The following GPAT4 variants were observed in gnomAD, a reference collection of about 807,000 sequenced individuals.
The protein encoded by GPAT4 is 1-AGP acyltransferase 6.
GPAT4 carries 17 observed loss-of-function variants against 58.0 expected under a neutral mutation model. The observed-to-expected ratio is 0.29, with a 90% CI of 0.20 to 0.44. The LOEUF is 0.44. Ranked by LOEUF, GPAT4 falls within the 20% of genes least tolerant of loss-of-function variation. The pLI is 1.00. For missense variants in GPAT4, 377 were observed against 574.5 expected (o/e 0.66, Z 3.51); for synonymous variants, 204 against 210.1 (o/e 0.97, Z 0.25).
At chr8:41,597,220 C>T (rs1157108407) in intron 1 of GPAT4, among the ~76,000 whole-genome samples, 1 of 152,172 alleles carries the variant, frequency 6.6e-6, no homozygotes, top group Non-Finnish European at 1.5e-5. Context: ...GGGTGGTCTC[C>T]TCCCTTAAAA....
At chr8:41,586,271 G>A (rs934749167) in intron 1 of GPAT4, among the ~76,000 whole-genome samples, 5 of 152,150 alleles carry the variant, frequency 3.3e-5, no homozygotes, top group African/African-American at 9.7e-5. Flanking sequence ...ATGGCCAAAG[G>A]TTCCATTGTA....
intron 2 of GPAT4, among the ~76,000 whole-genome samples, chr8:41,601,209 A>G (rs1015984325): frequency 1.9e-4 from 29 of 152,114 alleles, no homozygotes; most frequent in African/African-American, 7.0e-4. Context: ...GAGCAGCTGC[A>G]TGAGCATCGC....
chr8:41,580,777 T>C (rs1802489414), intron 1 of GPAT4, among the ~76,000 whole-genome samples: 1 of 152,204 alleles, frequency 6.6e-6, no homozygotes, highest in Non-Finnish European at 1.5e-5. Flanking sequence ...TTGAGTGTCA[T>C]GGTAAATCAT....
At chr8:41,608,468 G>C (rs1803346336) in intron 2 of GPAT4, among the ~76,000 whole-genome samples, 1 of 152,238 alleles carries the variant, frequency 6.6e-6, no homozygotes, top group Admixed American at 6.5e-5. Flanking sequence ...TCCAAGGGGG[G>C]ATAAGTGCAC....
chr8:41,582,328 C>G (rs1416996169), intron 1 of GPAT4, among the ~76,000 whole-genome samples: 1 of 151,934 alleles, frequency 6.6e-6, no homozygotes, highest in African/African-American at 2.4e-5. Context: ...TATTCAGGGA[C>G]ACATAGACTA....
rs1228661101 is a variant in GPAT4 at position 41,618,763 on chromosome 8, G to A, written c.1133G>A (p.Ser378Asn). The A allele has an allele frequency of 1.2e-6, 2 of 1,614,270 alleles. No homozygotes were observed. Among genetic ancestry groups the A allele is most frequent in the Admixed American group, 3.3e-5 (2 of 60,028 alleles). ...ACGTACCTGCTGCGAATGATGACCA[G>A]CTGGGCCATTGTCTGCAGCGTGTGG... ...MVTYLLRMMT[S>N]WAIVCSVWYL... The change falls in exon 11 of 13, where the codon AGC (serine) becomes AAC (asparagine). Residue 378 changes from serine (S) to asparagine (N), a missense_variant. Coordinates refer to ENST00000396987, the MANE Select transcript of GPAT4 (RefSeq NM_178819.4).
chr8:41,583,128 A>G (rs1170507541), intron 1 of GPAT4, among the ~76,000 whole-genome samples: 1 of 152,068 alleles, frequency 6.6e-6, no homozygotes, highest in African/African-American at 2.4e-5. Flanking sequence ...AGGGAGGCTG[A>G]GGCACGAGAA....
intron 10 of GPAT4, among the ~76,000 whole-genome samples, chr8:41,616,156 T>A (rs1165476362): frequency 6.6e-6 from 1 of 152,232 alleles, no homozygotes; most frequent in Non-Finnish European, 1.5e-5. Context: ...ACAGGTGCTT[T>A]GCAGTGTGAC....
At chr8:41,596,062 A>G (rs1802923474) in intron 1 of GPAT4, among the ~76,000 whole-genome samples, 1 of 152,162 alleles carries the variant, frequency 6.6e-6, no homozygotes, top group Admixed American at 6.5e-5. Flanking sequence ...CTGATGGCCA[A>G]CGGCCACCTC....
chr8:41,595,098 A>T (rs1802892541), intron 1 of GPAT4, among the ~76,000 whole-genome samples: 2 of 151,090 alleles, frequency 1.3e-5, no homozygotes, highest in South Asian at 4.2e-4. Context: ...TGGGATTTTA[A>T]TTATCCTTTG....
At chr8:41,606,546 T>C (rs1203157005) in intron 2 of GPAT4, among the ~76,000 whole-genome samples, 1 of 152,114 alleles carries the variant, frequency 6.6e-6, no homozygotes, top group Non-Finnish European at 1.5e-5. Context: ...CACTGAAAAA[T>C]CAACTCTCAA....
intron 1 of GPAT4, among the ~76,000 whole-genome samples, chr8:41,581,412 A>G (rs1802504226): frequency 6.6e-6 from 1 of 152,172 alleles, no homozygotes; most frequent in South Asian, 2.1e-4. Context: ...TAATAGAAAA[A>G]TGCTTTGTAA....
chr8:41,611,814 T>C (rs1036195573), intron 5 of GPAT4, 89 bp from the exon 6 acceptor site: 9 of 1,248,018 alleles, frequency 7.2e-6, no homozygotes, highest in Non-Finnish European at 1.0e-5. Context: ...TTTGCTGTTA[T>C]AAAGGACTGC....
At chr8:41,601,965 T>A (rs1261900228) in intron 2 of GPAT4, among the ~76,000 whole-genome samples, 2 of 93,402 alleles carry the variant, frequency 2.1e-5, no homozygotes, top group Admixed American at 1.0e-4. Context: ...CCAAATGTAT[T>A]TATTTATGAG....
intron 1 of GPAT4, among the ~76,000 whole-genome samples, chr8:41,587,859 G>A (rs145890852): frequency 1.5e-3 from 223 of 152,320 alleles, no homozygotes; most frequent in African/African-American, 5.0e-3. Context: ...CTTTGTAGAG[G>A]TTGAACCCTT....
At chr8:41,605,995 C>G (rs142982060) in intron 2 of GPAT4, among the ~76,000 whole-genome samples, 1 of 152,184 alleles carries the variant, frequency 6.6e-6, no homozygotes, top group Non-Finnish European at 1.5e-5. Context: ...GCATGAACCA[C>G]GAGGCAGCTG....
At chr8:41,617,303 G>A (rs1309961631) in intron 10 of GPAT4, among the ~76,000 whole-genome samples, 1 of 152,146 alleles carries the variant, frequency 6.6e-6, no homozygotes, top group Non-Finnish European at 1.5e-5. Flanking sequence ...GGTGGAGCTT[G>A]CAGTGAGCCG....
Position 41,615,032 on chromosome 8 carries a change from A to T in GPAT4, c.1037A>T (p.Tyr346Phe). The T allele has an allele frequency of 6.2e-7, 1 of 1,613,598 alleles. No individual in the cohort carries two copies. Among genetic ancestry groups the T allele is most frequent in the Non-Finnish European group, 8.5e-7 (1 of 1,179,502 alleles). Residue 346 changes from tyrosine (Y) to phenylalanine (F), a missense_variant, in exon 10 of 13, where the codon TAC becomes TTC. Transcript: ENST00000396987. ...KGSFEIGATV[Y>F]PVAIKYDPQF... is the part of the protein sequence containing the mutation. ...AGTTTTGAAATTGGAGCCACAGTTTACCCTGTTGCTATCAAGGTATAAGAC... is the reference window on the plus strand; with the variant it reads ...AGTTTTGAAATTGGAGCCACAGTTTTCCCTGTTGCTATCAAGGTATAAGAC...
chr8:41,618,603 GTCAC>G (rs1461320347), intron 10 of GPAT4, 77 bp from the exon 11 acceptor site: 3 of 1,552,080 alleles, frequency 1.9e-6, no homozygotes, highest in African/African-American at 1.4e-5. Context: ...GCCCAGTGGA[GTCAC>G]TCACAGCAGT....
Sources: allele counts gnomAD v4.1 joint callset (sites outside exome capture counted in the v4.1 genomes callset), GRCh38; gene constraint gnomAD v4.1.1; transcripts MANE v1.5; gene names NCBI Gene and HGNC (gene_info 2026-07-23, HGNC 2026-07-21).